Variants in TMEM168 observed in about 807,000 individuals in gnomAD.
TMEM168 encodes the protein transmembrane protein 168.
TMEM168 carries 40 observed loss-of-function variants against 53.2 expected under a neutral mutation model. The ratio of observed to expected loss-of-function variants is 0.75; its 90% CI spans 0.58 to 0.98. The LOEUF (loss-of-function observed/expected upper bound fraction) is 0.98. TMEM168 is among the 50% of genes least tolerant of loss of function. The pLI, the probability that TMEM168 is intolerant of heterozygous loss-of-function variation, is 0.00. For synonymous variants in TMEM168, 282 were observed against 293.0 expected (o/e 0.96, Z 0.38); for missense variants, 771 against 828.8 (o/e 0.93, Z 0.86).
At position 112,772,933 on chromosome 7, in the gene TMEM168, C is replaced by T; in HGVS notation, c.1394G>A (p.Cys465Tyr). The T allele has an allele frequency of 6.2e-7, 1 of 1,614,092 alleles. No homozygotes were observed. Among genetic ancestry groups the T allele is most frequent in the African/African-American group, 1.3e-5 (1 of 75,040 alleles). Residue 465 changes from cysteine to tyrosine, a missense_variant, in exon 4 of 5, where the codon TGT becomes TAT. Physicochemically the swap from Cys to Tyr is radical, Grantham distance 194. Transcript: ENST00000312814. ...TGACAGTCCACTTGTGGAATAGTCA[C>T]ATCCATAGGTCTCAATCATATGATA... Reference protein sequence around the residue: ...FAYHMIETYGCDYSTSGLSFD... With the variant: ...FAYHMIETYGYDYSTSGLSFD...
chr7:112,786,027 A>G (rs552680294), intron 1 of TMEM168, among the ~76,000 whole-genome samples: 64 of 152,138 alleles, frequency 4.2e-4, no homozygotes, highest in African/African-American at 1.5e-3. Flanking sequence ...GGCCAACATG[A>G]CAAAACCCTG....
chr7:112,783,123 C>G (rs1321455814), intron 2 of TMEM168, among the ~76,000 whole-genome samples: 1 of 152,202 alleles, frequency 6.6e-6, no homozygotes, highest in African/African-American at 2.4e-5. Flanking sequence ...CATTTCTGGG[C>G]AGCAAAGGTA....
At chr7:112,776,756 G>GTT (rs1284683369) in intron 2 of TMEM168, among the ~76,000 whole-genome samples, 12 of 143,486 alleles carry the variant, frequency 8.4e-5, no homozygotes, top group African/African-American at 2.5e-4. Context: ...TCATGTGTAT[G>GTT]TTTTTTTTTT....
chr7:112,786,861 C>A (rs1793395634), intron 1 of TMEM168, among the ~76,000 whole-genome samples: 1 of 152,160 alleles, frequency 6.6e-6, no homozygotes, highest in Non-Finnish European at 1.5e-5. Flanking sequence ...CCTACTTCTT[C>A]CTACTGCATT....
chr7:112,772,593 C>T (rs1214765025), intron 4 of TMEM168, among the ~76,000 whole-genome samples, 188 bp downstream of exon 4: 1 of 152,120 alleles, frequency 6.6e-6, no homozygotes, highest in Non-Finnish European at 1.5e-5. Flanking sequence ...AGACGTAATT[C>T]CCAATCTTAT....
chr7:112,784,574 A>C lies in TMEM168; in HGVS notation c.252T>G (p.Tyr84Ter). 1 of 1,613,998 alleles carries C rather than the reference A, an allele frequency of 6.2e-7. No individual in the cohort carries two copies. Among genetic ancestry groups the C allele is most frequent in the Non-Finnish European group, 8.5e-7 (1 of 1,179,984 alleles). Residue 84 changes from tyrosine to a stop codon, truncating the protein, a stop_gained, in exon 2 of 5, where the codon TAT becomes TAG. Transcript: ENST00000312814. LOFTEE classifies it high-confidence loss of function. Reference sequence around the variant, plus strand: ...TTAAACTTGCTGCTTCCATTGAAAAATAGTAATAGAGTATGCTGGCGATTC... The same window carrying C: ...TTAAACTTGCTGCTTCCATTGAAAACTAGTAATAGAGTATGCTGGCGATTC... ...VLGIASILYYYFSMEAASLSL... is the reference protein window; with the variant it reads ...VLGIASILYY
chr7:112,763,486 C>T lies in TMEM168; in HGVS notation c.*3711G>A, dbSNP rs1277033180. On this transcript the variant is annotated 3_prime_UTR_variant, in exon 5 of 5. Coordinates refer to ENST00000312814, the MANE Select transcript of TMEM168 (RefSeq NM_022484.6). ...ACCAGAAATACCAACATGTGTAAGC[C>T]TCTGCCTAAAAAGAGGTGACAGTCT... is the stretch of plus-strand genomic sequence containing the variant. 2 of 152,068 alleles carry T rather than the reference C, an allele frequency of 1.3e-5. No individual in the cohort carries two copies. Among genetic ancestry groups the T allele is most frequent in the East Asian group, 3.9e-4 (2 of 5,184 alleles). The allele number at this position is 152,068 out of a possible 1,614,324, so 9.4% of individuals were successfully genotyped here. A position where few individuals can be genotyped will look rare whatever the true frequency, so the allele number is the denominator to read the frequency against.
At chr7:112,775,396 A>G (rs1275772226) in intron 2 of TMEM168, 78 bp from the exon 3 acceptor site, 2 of 1,248,098 alleles carry the variant, frequency 1.6e-6, no homozygotes, top group Non-Finnish European at 2.2e-6. Flanking sequence ...ATTGATTCAC[A>G]TTTTTTAGCT....
At chr7:112,772,148 G>A (rs929810242) in intron 4 of TMEM168, among the ~76,000 whole-genome samples, 4 of 152,048 alleles carry the variant, frequency 2.6e-5, no homozygotes, top group South Asian at 2.1e-4. Context: ...CATAATGCAT[G>A]CAAACCAAAG....
In TMEM168 at chr7:112,772,775, GT is replaced by G; in HGVS notation, c.1546+5del. 2 of 1,608,174 alleles carry G rather than the reference GT, an allele frequency of 1.2e-6. No homozygotes were observed. The highest frequency in any genetic ancestry group is 1.7e-6 in the Non-Finnish European group (2 of 1,175,390). On this transcript the variant is annotated splice_donor_5th_base_variant and intron_variant, in intron 4 of 4. Coordinates refer to ENST00000312814, the MANE Select transcript of TMEM168 (RefSeq NM_022484.6). ...ACAATAGTGAAACTGCCAAAGGTGA[GT>G]TTACCTGCTAGAGCCCACTCTCCTG...
intron 3 of TMEM168, among the ~76,000 whole-genome samples, chr7:112,773,653 GAACA>G (rs1158129033): frequency 6.6e-6 from 1 of 151,814 alleles, no homozygotes; most frequent in Non-Finnish European, 1.5e-5. Flanking sequence ...TTTACTCCTA[GAACA>G]AATATAAAAT....
Position 112,770,599 on chromosome 7 carries a change from GAT to G in TMEM168, c.1546+2180_1546+2181del, listed in dbSNP as rs1350254291. ...ATGAAAATTTAGAAAAACTGCGAGA[GAT>G]ATATATATGTGTGTGTGTGTTTATC... On this transcript the variant is annotated intron_variant, in intron 4 of 4. Transcript: ENST00000312814. Among the ~76,000 whole-genome samples the G allele has an allele frequency of 1.1e-4, 14 of 121,936 alleles. No individual in the cohort carries two copies. The East Asian group carries it at 1.6e-3, about 14-fold the overall frequency. 80.0% of individuals were successfully genotyped at this position (121,936 alleles called of 152,430 possible).
rs1384279691 is a variant in TMEM168 at position 112,772,854 on chromosome 7, A to T, written c.1473T>A (p.Asp491Glu). 4 of 1,614,108 alleles carry T rather than the reference A, an allele frequency of 2.5e-6. No individual in the cohort carries two copies. The highest frequency in any genetic ancestry group is 3.4e-6 in the Non-Finnish European group (4 of 1,179,964). ...LKAFLELRTV[D>E]GPRHDTYILY... ...AAATATACGTATCATGTCTGGGTCC[A>T]TCCACTGTCCGAAGTTCGAGGAAAG... The change falls in exon 4 of 5, where the codon GAT (aspartate) becomes GAA (glutamate). Residue 491 changes from aspartate (D) to glutamate (E), a missense_variant. Coordinates refer to ENST00000312814, the MANE Select transcript of TMEM168 (RefSeq NM_022484.6).
At chr7:112,779,294 C>A (rs1052799716) in intron 2 of TMEM168, among the ~76,000 whole-genome samples, 6 of 152,096 alleles carry the variant, frequency 3.9e-5, no homozygotes, top group Non-Finnish European at 8.8e-5. Context: ...ATTAAATATT[C>A]TATTATGATC....
chr7:112,767,056 T>C lies in TMEM168; in HGVS notation c.*141A>G. On this transcript the variant is annotated 3_prime_UTR_variant, in exon 5 of 5. Transcript: ENST00000312814. ...CCCAACGCCTTATATATACCATAAT[T>C]ACTTAAGAAAAGACAAAGTGAGAGC... is the stretch of plus-strand genomic sequence containing the variant. 1 of 837,508 alleles carries C rather than the reference T, an allele frequency of 1.2e-6. No homozygotes were observed. The highest frequency in any genetic ancestry group is 1.8e-6 in the Non-Finnish European group (1 of 553,746). 51.9% of individuals were successfully genotyped at this position (837,508 alleles called of 1,614,324 possible). A position where few individuals can be genotyped will look rare whatever the true frequency, so the allele number is the denominator to read the frequency against.
At chr7:112,771,750 C>T (rs1792935490) in intron 4 of TMEM168, among the ~76,000 whole-genome samples, 1 of 151,978 alleles carries the variant, frequency 6.6e-6, no homozygotes, top group African/African-American at 2.4e-5. Flanking sequence ...CTCTGTCCTT[C>T]CATACTACTT....
chr7:112,769,846 G>A (rs1313796281), intron 4 of TMEM168, among the ~76,000 whole-genome samples: 1 of 151,942 alleles, frequency 6.6e-6, no homozygotes, highest in Non-Finnish European at 1.5e-5. Context: ...AAAATATTAG[G>A]TTCCATATCA....
chr7:112,781,039 T>G (rs1793217599), intron 2 of TMEM168, among the ~76,000 whole-genome samples: 1 of 151,424 alleles, frequency 6.6e-6, no homozygotes, highest in Admixed American at 6.6e-5. Flanking sequence ...CTATGCTGTT[T>G]ACCATAATTA....
intron 2 of TMEM168, among the ~76,000 whole-genome samples, chr7:112,783,219 T>C (rs1793276979): frequency 6.6e-6 from 1 of 152,214 alleles, no homozygotes; most frequent in African/African-American, 2.4e-5. Context: ...GATCACCTTT[T>C]ATATAAAACC....
Sources: gnomAD v4.1 joint callset for allele counts (sites outside exome capture counted in the v4.1 genomes callset) on GRCh38, gnomAD v4.1.1 for gene constraint, MANE v1.5 for transcripts, NCBI Gene and HGNC (gene_info 2026-07-23, HGNC 2026-07-21) for gene names.